Variants in TSC22D1 observed in about 807,000 individuals in gnomAD.
TSC22D1 encodes TSC22 domain family member 1.
Under a neutral mutation model 74.2 loss-of-function variants are expected in TSC22D1, and 9 were observed. The ratio of observed to expected loss-of-function variants is 0.12; its 90% CI spans 0.07 to 0.21. TSC22D1 has a LOEUF of 0.21. TSC22D1 is among the 10% of genes least tolerant of loss of function. TSC22D1 has a pLI of 1.00. For synonymous variants in TSC22D1, 586 were observed against 492.5 expected, an observed-to-expected ratio of 1.19 and a Z score of -2.51; for missense variants, 1,427 against 1,304.7, an observed-to-expected ratio of 1.09 and a Z score of -1.44.
At chr13:44,492,233 C>T (rs145821841) in intron 1 of TSC22D1, among the ~76,000 whole-genome samples, 2 of 151,656 alleles carry the variant, frequency 1.3e-5, no homozygotes, top group East Asian at 3.9e-4. Context: ...CCTAGCCTAC[C>T]TTAAATGTGC....
In TSC22D1 at chr13:44,434,460, CAT is replaced by C. The variant is rs899027158; in HGVS notation, c.*164_*165del. 23 of 1,381,532 alleles carry C rather than the reference CAT, an allele frequency of 1.7e-5. No homozygotes were observed. The highest frequency in any genetic ancestry group is 2.0e-5 in the Non-Finnish European group (22 of 1,075,224). The allele number at this position is 1,381,532 out of a possible 1,614,324, so 85.6% of individuals were successfully genotyped here. On this transcript the variant is annotated 3_prime_UTR_variant, in exon 3 of 3. Transcript: ENST00000458659. The stretch of plus-strand genomic sequence containing the variant: ...CTAAGAAATTTCTCCAAGCCATAAG[CAT>C]ATGAGTGTTTAATACTGGAAAAGAG...
chr13:44,478,629 G>A (rs977277807), intron 1 of TSC22D1, among the ~76,000 whole-genome samples: 1 of 152,082 alleles, frequency 6.6e-6, no homozygotes, highest in African/African-American at 2.4e-5. Context: ...TAATTAAAAT[G>A]AGCCAATGAT....
chr13:44,451,422 A>G (rs561447468), intron 1 of TSC22D1: 3 of 152,336 alleles, frequency 2.0e-5, no homozygotes, highest in Admixed American at 2.0e-4. Flanking sequence ...TTTCAGGGAA[A>G]GAGTGGGCAG....
chr13:44,520,644 A>G (rs1880269814), intron 1 of TSC22D1, among the ~76,000 whole-genome samples: 1 of 152,196 alleles, frequency 6.6e-6, no homozygotes, highest in Non-Finnish European at 1.5e-5. Context: ...AAATCTTAAG[A>G]TCTCAGATAG....
chr13:44,457,110 C>T lies in TSC22D1; in HGVS notation c.2913-21015G>A, dbSNP rs559700438. Reference sequence around the variant, plus strand: ...TAGAGAACAATTTGAGCGTAATGCACATTTCACATTTGCTTATGTGTGATT... The same window carrying T: ...TAGAGAACAATTTGAGCGTAATGCATATTTCACATTTGCTTATGTGTGATT... On this transcript the variant is annotated intron_variant, in intron 1 of 2. Coordinates refer to ENST00000458659, the MANE Select transcript of TSC22D1 (RefSeq NM_183422.4). Among the ~76,000 whole-genome samples the T allele has an allele frequency of 3.3e-5, 5 of 152,354 alleles. No individual in the cohort carries two copies. In the South Asian group the frequency reaches 1.0e-3, roughly 32 times the overall value.
intron 1 of TSC22D1, among the ~76,000 whole-genome samples, chr13:44,462,372 G>A (rs1194241495): frequency 6.6e-6 from 1 of 152,062 alleles, no homozygotes; most frequent in Non-Finnish European, 1.5e-5. Flanking sequence ...ACATCACAAT[G>A]GCCTCATTTA....
chr13:44,462,537 A>T (rs1225754373), intron 1 of TSC22D1, among the ~76,000 whole-genome samples: 1 of 152,216 alleles, frequency 6.6e-6, no homozygotes, highest in Non-Finnish European at 1.5e-5. Context: ...AGTTATATGG[A>T]TCACTACTCC....
intron 1 of TSC22D1, among the ~76,000 whole-genome samples, chr13:44,549,776 G>GAAAAAAAA (rs1305063154): frequency 4.4e-5 from 3 of 67,992 alleles, no homozygotes; most frequent in Non-Finnish European, 6.3e-5. Context: ...CAAAAAAAAA[G>GAAAAAAAA]AAAAAAAAAA....
At chr13:44,487,218 G>T (rs1446625049) in intron 1 of TSC22D1, among the ~76,000 whole-genome samples, 1 of 151,888 alleles carries the variant, frequency 6.6e-6, no homozygotes, top group Non-Finnish European at 1.5e-5. Flanking sequence ...GAAATTACTG[G>T]CCAGGTGTGG....
At chr13:44,465,785 C>T (rs1341757628) in intron 1 of TSC22D1, among the ~76,000 whole-genome samples, 7 of 152,098 alleles carry the variant, frequency 4.6e-5, no homozygotes, top group Admixed American at 4.6e-4. Flanking sequence ...CCAGCCTGGC[C>T]AACGTGGTGA....
At chr13:44,488,473 C>T (rs1878553638) in intron 1 of TSC22D1, among the ~76,000 whole-genome samples, 1 of 152,084 alleles carries the variant, frequency 6.6e-6, no homozygotes, top group Non-Finnish European at 1.5e-5. Flanking sequence ...GACTACCAGC[C>T]ATTTTTAAAT....
chr13:44,527,103 A>G (rs768831577), intron 1 of TSC22D1, among the ~76,000 whole-genome samples: 8 of 152,162 alleles, frequency 5.3e-5, no homozygotes, highest in Non-Finnish European at 1.0e-4. Context: ...AAATTCTTGA[A>G]AAGTATAAGA....
intron 1 of TSC22D1, among the ~76,000 whole-genome samples, chr13:44,541,556 A>T (rs1881470545): frequency 6.6e-6 from 1 of 152,154 alleles, no homozygotes; most frequent in Admixed American, 6.5e-5. Context: ...TATTTTTTCA[A>T]TTTAAGCTTC....
chr13:44,550,910 A>G (rs1163550640), intron 1 of TSC22D1, among the ~76,000 whole-genome samples: 1 of 151,782 alleles, frequency 6.6e-6, no homozygotes, highest in Non-Finnish European at 1.5e-5. Flanking sequence ...ACTGTACTCC[A>G]GCCTGGGTGA....
intron 1 of TSC22D1, among the ~76,000 whole-genome samples, chr13:44,492,465 C>T (rs1036399999): frequency 3.3e-5 from 5 of 152,188 alleles, no homozygotes; most frequent in Admixed American, 2.0e-4. Flanking sequence ...CAGCTATACA[C>T]GACATTGACA....
chr13:44,532,634 C>T (rs9533897), intron 1 of TSC22D1, among the ~76,000 whole-genome samples: 15,817 of 152,078 alleles, frequency 0.1, 898 homozygotes, highest in Non-Finnish European at 0.12. Flanking sequence ...CCACCATGCC[C>T]GGCTATTTTT....
intron 1 of TSC22D1, among the ~76,000 whole-genome samples, chr13:44,556,495 G>A (rs1364860429): frequency 5.9e-5 from 9 of 151,504 alleles, no homozygotes; most frequent in African/African-American, 1.2e-4. Flanking sequence ...GCAGTGAACC[G>A]AGATCGTGCA....
intron 1 of TSC22D1, among the ~76,000 whole-genome samples, chr13:44,552,469 C>T (rs774615180): frequency 2.6e-5 from 4 of 152,170 alleles, no homozygotes; most frequent in Non-Finnish European, 4.4e-5. Context: ...AACTTATGTA[C>T]AAGATTTCCG....
intron 1 of TSC22D1, among the ~76,000 whole-genome samples, chr13:44,507,303 A>T (rs988316979): frequency 3.9e-5 from 6 of 152,192 alleles, no homozygotes; most frequent in African/African-American, 1.4e-4. Flanking sequence ...ACGTTGCTAC[A>T]GTAGCGCAAG....
Sources: gnomAD v4.1 joint callset for allele counts (sites outside exome capture counted in the v4.1 genomes callset) on GRCh38, gnomAD v4.1.1 for gene constraint, MANE v1.5 for transcripts, NCBI Gene and HGNC (gene_info 2026-07-23, HGNC 2026-07-21) for gene names.